CHODL: variants seen among roughly 807,000 people sequenced by gnomAD.
CHODL encodes chondrolectin, also known as transmembrane protein MT75.
A neutral mutation model predicts 34.5 loss-of-function variants in CHODL; 29 were observed. The ratio of observed to expected loss-of-function variants is 0.84; its 90% CI spans 0.63 to 1.15. The LOEUF is 1.15. CHODL is among the 50% of genes most tolerant of loss of function. CHODL has a pLI of 0.00. For missense variants in CHODL, 332 were observed against 332.5 expected (o/e 1.00, Z 0.01); for synonymous variants, 125 against 116.1 (o/e 1.08, Z -0.49).
At chr21:18,053,366 T>C (rs572512687) in intron 2 of CHODL, among the ~76,000 whole-genome samples, 18 of 152,110 alleles carry the variant, frequency 1.2e-4, no homozygotes, top group African/African-American at 4.3e-4. Context: ...GCATTCTGCA[T>C]TGACCTCAGA....
intron 2 of CHODL, among the ~76,000 whole-genome samples, chr21:18,173,090 C>T (rs947286496): frequency 1.3e-5 from 2 of 152,158 alleles, no homozygotes; most frequent in African/African-American, 4.8e-5. Context: ...ATCCCTCTCA[C>T]TTCTTACGTC....
chr21:18,151,082 C>CAAAA lies in CHODL; in HGVS notation c.-44-105407_-44-105404dup, dbSNP rs61176066. Reference sequence around the variant, plus strand: ...TGGGCGACAGAGCGAGACTCTGTGTCAAAAAAAAAAAAAAAAAAAAAAAGA... The same window carrying CAAAA: ...TGGGCGACAGAGCGAGACTCTGTGTCAAAAAAAAAAAAAAAAAAAAAAAAAAAGA... On this transcript the variant is annotated intron_variant, in intron 2 of 6. Coordinates refer to the CHODL transcript ENST00000400127. Among the ~76,000 whole-genome samples, 694 of 122,880 alleles carry CAAAA rather than the reference C, an allele frequency of 5.6e-3. 6 individuals are homozygous for CAAAA. The highest frequency in any genetic ancestry group is 0.028 in the East Asian group (99 of 3,586). 80.6% of individuals were successfully genotyped at this position (122,880 alleles called of 152,430 possible). A position where few individuals can be genotyped will look rare whatever the true frequency, so the allele number is the denominator to read the frequency against.
chr21:18,204,727 C>CA (rs1444205470), intron 2 of CHODL, among the ~76,000 whole-genome samples: 2 of 152,192 alleles, frequency 1.3e-5, no homozygotes, highest in Non-Finnish European at 2.9e-5. Flanking sequence ...AATCACTTAA[C>CA]ACCCCTGAGT....
chr21:17,937,853 T>C (rs963562391), intron 1 of CHODL, among the ~76,000 whole-genome samples: 1 of 152,202 alleles, frequency 6.6e-6, no homozygotes, highest in African/African-American at 2.4e-5. Flanking sequence ...CATTATTTCA[T>C]GCTGAATATG....
At chr21:18,073,033 C>G (rs2064823987) in intron 2 of CHODL, among the ~76,000 whole-genome samples, 1 of 152,062 alleles carries the variant, frequency 6.6e-6, no homozygotes, top group Admixed American at 6.6e-5. Context: ...TCTTCAGTAA[C>G]AATAACATTT....
At chr21:18,222,193 T>G (rs1359466330) in intron 2 of CHODL, among the ~76,000 whole-genome samples, 1 of 152,154 alleles carries the variant, frequency 6.6e-6, no homozygotes, top group Non-Finnish European at 1.5e-5. Flanking sequence ...TAGTTATCTA[T>G]GTTCTCAGGA....
intron 2 of CHODL, among the ~76,000 whole-genome samples, chr21:18,058,192 C>CA (rs1234167049): frequency 6.6e-6 from 1 of 151,836 alleles, no homozygotes; most frequent in South Asian, 2.1e-4. Flanking sequence ...TAAAAAAAGA[C>CA]AAAAAATAAC....
chr21:17,993,229 A>C lies in CHODL; in HGVS notation c.-144-34643A>C, dbSNP rs140909744. ...ATGTTCTTTCTTTTTTAAAATTTAA[A>C]TTTTAAGTTCAGGGATACATGTGCA... On this transcript the variant is annotated intron_variant, in intron 1 of 6. Coordinates refer to the CHODL transcript ENST00000400127. Among the ~76,000 whole-genome samples, 893 of 152,208 alleles carry C rather than the reference A, an allele frequency of 5.9e-3. 9 individuals are homozygous for C. Among genetic ancestry groups the C allele is most frequent in the African/African-American group, 0.015 (603 of 41,532 alleles).
chr21:18,007,915 CTGAG>C (rs1568841737), intron 1 of CHODL, among the ~76,000 whole-genome samples: 2 of 152,012 alleles, frequency 1.3e-5, no homozygotes, highest in African/African-American at 2.4e-5. Flanking sequence ...CAGTTGAAAA[CTGAG>C]TGAGAAAACA....
At chr21:17,956,633 A>C (rs946467638) in intron 1 of CHODL, among the ~76,000 whole-genome samples, 1 of 136,088 alleles carries the variant, frequency 7.3e-6, no homozygotes, top group African/African-American at 2.5e-5. Context: ...AGGCACCAGC[A>C]TATTCAGTGT....
At chr21:18,065,123 C>T (rs187067706) in intron 2 of CHODL, among the ~76,000 whole-genome samples, 1 of 152,262 alleles carries the variant, frequency 6.6e-6, no homozygotes, top group Non-Finnish European at 1.5e-5. Context: ...GTTATTTTGC[C>T]AGCACTTGCT....
At chr21:18,008,026 CAA>C (rs1491138928) in intron 1 of CHODL, among the ~76,000 whole-genome samples, 1 of 151,860 alleles carries the variant, frequency 6.6e-6, no homozygotes, top group Non-Finnish European at 1.5e-5. Context: ...TTGAACAAAA[CAA>C]AACAATCATG....
At chr21:18,169,287 T>A (rs2073197371) in intron 2 of CHODL, among the ~76,000 whole-genome samples, 1 of 152,142 alleles carries the variant, frequency 6.6e-6, no homozygotes, top group South Asian at 2.1e-4. Flanking sequence ...TTCATTTAAT[T>A]CATTAATATA....
intron 2 of CHODL, among the ~76,000 whole-genome samples, chr21:18,185,412 C>T (rs76245397): frequency 1.3e-5 from 2 of 152,138 alleles, no homozygotes; most frequent in East Asian, 1.9e-4. Flanking sequence ...TTTCTTTATC[C>T]AGCCTATCAT....
At chr21:18,108,665 G>A (rs2065305845) in intron 2 of CHODL, among the ~76,000 whole-genome samples, 2 of 152,076 alleles carry the variant, frequency 1.3e-5, no homozygotes, top group Admixed American at 1.3e-4. Flanking sequence ...TATACAGATA[G>A]GATCCTTTAT....
At chr21:18,042,018 C>G (rs2064382105) in intron 2 of CHODL, among the ~76,000 whole-genome samples, 1 of 151,612 alleles carries the variant, frequency 6.6e-6, no homozygotes, top group Admixed American at 6.6e-5. Context: ...TGCTTCTTCT[C>G]ATTGTTGCCT....
intron 2 of CHODL, among the ~76,000 whole-genome samples, chr21:18,065,808 T>C (rs1410785816): frequency 6.6e-6 from 1 of 152,146 alleles, no homozygotes; most frequent in African/African-American, 2.4e-5. Flanking sequence ...TCAAATGAAG[T>C]TTTGGTAAAT....
In CHODL at chr21:18,222,934, C is replaced by T. The variant is rs181265622; in HGVS notation, c.-44-33575C>T. ...AACACAAGGATGCAAGGAGATTCTC[C>T]GCCAGTACAGTCCCATATTAGAGAT... On this transcript the variant is annotated intron_variant, in intron 2 of 6. Coordinates refer to the CHODL transcript ENST00000400127. 4.6e-3 allele frequency among the ~76,000 whole-genome samples: 693 copies of T among 152,150 alleles called. 2 individuals carry two copies. Among genetic ancestry groups the T allele is most frequent in the Non-Finnish European group, 4.4e-3 (302 of 67,986 alleles).
At chr21:17,981,642 T>G (rs148177542) in intron 1 of CHODL, among the ~76,000 whole-genome samples, 45 of 152,304 alleles carry the variant, frequency 3.0e-4, no homozygotes, top group African/African-American at 1.0e-3. Flanking sequence ...TGCTGTGGGT[T>G]TGTGAAAAAG....
Sources: gnomAD v4.1 joint callset for allele counts (sites outside exome capture counted in the v4.1 genomes callset) on GRCh38, gnomAD v4.1.1 for gene constraint, MANE v1.5 for transcripts, NCBI Gene and HGNC (gene_info 2026-07-23, HGNC 2026-07-21) for gene names.